EXOC6B: variants seen among roughly 807,000 people sequenced by gnomAD.
The protein encoded by EXOC6B is SEC15 homolog B.
In EXOC6B, 54 loss-of-function variants were observed where a neutral mutation model predicts 113.5. The observed-to-expected ratio is 0.48, with a 90% CI of 0.38 to 0.60. The LOEUF (loss-of-function observed/expected upper bound fraction) is 0.60. Ranked by LOEUF, EXOC6B falls within the 20% of genes least tolerant of loss-of-function variation. The pLI, the probability that EXOC6B is intolerant of heterozygous loss-of-function variation, is 0.00. For missense variants in EXOC6B, 797 were observed against 977.5 expected, an observed-to-expected ratio of 0.82 and a Z score of 2.46; for synonymous variants, 357 against 339.0, an observed-to-expected ratio of 1.05 and a Z score of -0.58.
intron 17 of EXOC6B, among the ~76,000 whole-genome samples, chr2:72,478,769 A>G (rs983902480): frequency 6.6e-6 from 1 of 152,256 alleles, no homozygotes; most frequent in Non-Finnish European, 1.5e-5. Context: ...GGTTGAGAGA[A>G]AGAGTATCAG....
chr2:72,435,766 T>C (rs1037750349), intron 18 of EXOC6B, among the ~76,000 whole-genome samples: 1 of 151,804 alleles, frequency 6.6e-6, no homozygotes, highest in Admixed American at 6.6e-5. Flanking sequence ...TATTCCTCCA[T>C]CCATTTATTT....
Position 72,784,128 on chromosome 2 carries a change from G to A in EXOC6B, c.113+41670C>T, listed in dbSNP as rs1684236609. 2.0e-5 allele frequency among the ~76,000 whole-genome samples: 3 copies of A among 152,132 alleles called. No homozygotes were observed. The South Asian group carries it at 6.2e-4, about 31-fold the overall frequency. On this transcript the variant is annotated intron_variant, in intron 1 of 21. Transcript: ENST00000272427. ...CCTTTCCCCAATGTATGCTTTGGGT[G>A]CCTTTGTCAAAAATCAGTTAGCTGT...
In EXOC6B at chr2:72,486,870, AC is replaced by A. The variant is rs199654212; in HGVS notation, c.1665+5447del. Among the ~76,000 whole-genome samples, 784 of 151,380 alleles carry A rather than the reference AC, an allele frequency of 5.2e-3. 4 individuals carry two copies. The highest frequency in any genetic ancestry group is 0.014 in the African/African-American group (560 of 41,220). ...GTTATCTGTCCCATTAAAAAATAAA[AC>A]AAAAAAAAAAACCTGTCTTAACCGA... On this transcript the variant is annotated intron_variant, in intron 16 of 21. Transcript: ENST00000272427.
chr2:72,789,342 C>CCT (rs1302975749), intron 1 of EXOC6B, among the ~76,000 whole-genome samples: 1 of 152,152 alleles, frequency 6.6e-6, no homozygotes, highest in Non-Finnish European at 1.5e-5. Flanking sequence ...TTTGACTCTT[C>CCT]CTCTACCTAC....
chr2:72,484,115 G>A lies in EXOC6B; in HGVS notation c.1666-3365C>T, dbSNP rs146584101. 4.0e-3 allele frequency among the ~76,000 whole-genome samples: 609 copies of A among 150,664 alleles called. 12 individuals are homozygous for A. The highest frequency in any genetic ancestry group is 0.014 in the African/African-American group (596 of 41,138). On this transcript the variant is annotated intron_variant, in intron 16 of 21. Transcript: ENST00000272427. The stretch of plus-strand genomic sequence containing the variant: ...TATCGGAGAAAATCTAACAAGAAAG[G>A]TACATAGCACACCTTGGAGGTAATT...
At chr2:72,785,043 A>C (rs1684289582) in intron 1 of EXOC6B, among the ~76,000 whole-genome samples, 1 of 152,198 alleles carries the variant, frequency 6.6e-6, no homozygotes, top group African/African-American at 2.4e-5. Flanking sequence ...AAATTGGCCA[A>C]AACAAAGGGG....
intron 1 of EXOC6B, among the ~76,000 whole-genome samples, chr2:72,776,161 C>T (rs1683690489): frequency 6.6e-6 from 1 of 151,962 alleles, no homozygotes; most frequent in Non-Finnish European, 1.5e-5. Flanking sequence ...TGTGAAACTG[C>T]AATTATCTCA....
chr2:72,726,269 C>T (rs1680296110), intron 5 of EXOC6B, among the ~76,000 whole-genome samples: 1 of 152,058 alleles, frequency 6.6e-6, no homozygotes, highest in South Asian at 2.1e-4. Flanking sequence ...TGAAAATGTC[C>T]TAGAATCAGC....
chr2:72,368,153 A>C (rs77683017), intron 19 of EXOC6B, among the ~76,000 whole-genome samples: 3,467 of 152,216 alleles, frequency 0.023, 59 homozygotes, highest in Non-Finnish European at 0.035. Context: ...CCTTCTGCTT[A>C]AGAAGAACAG....
chr2:72,792,742 A>G (rs1481890148), intron 1 of EXOC6B, among the ~76,000 whole-genome samples: 1 of 152,152 alleles, frequency 6.6e-6, no homozygotes, highest in African/African-American at 2.4e-5. Context: ...CTTGGTTACC[A>G]CAATCATTTT....
intron 18 of EXOC6B, among the ~76,000 whole-genome samples, chr2:72,384,115 A>G (rs1691853190): frequency 6.6e-6 from 1 of 152,090 alleles, no homozygotes; most frequent in African/African-American, 2.4e-5. Flanking sequence ...GTATACCTAT[A>G]TAACAAACCT....
intron 10 of EXOC6B, 28 bp from the exon 11 acceptor site, chr2:72,513,280 G>C (rs1395732094): frequency 6.2e-7 from 1 of 1,610,728 alleles, no homozygotes; most frequent in Non-Finnish European, 8.5e-7. Flanking sequence ...AGAAAGCACA[G>C]CTGTCAGAAA....
At chr2:72,519,921 A>T (rs1701401105) in intron 8 of EXOC6B, among the ~76,000 whole-genome samples, 1 of 152,156 alleles carries the variant, frequency 6.6e-6, no homozygotes, top group South Asian at 2.1e-4. Context: ...CCTAGCACAA[A>T]ACTCCAAAGG....
At chr2:72,746,159 AG>A (rs1285410124) in intron 1 of EXOC6B, among the ~76,000 whole-genome samples, 1 of 152,108 alleles carries the variant, frequency 6.6e-6, no homozygotes, top group African/African-American at 2.4e-5. Flanking sequence ...TTGAGAACAA[AG>A]GCATAGGTTT....
chr2:72,226,005 G>A lies in EXOC6B; in HGVS notation c.2197-41818C>T, dbSNP rs147701373. ...CAACAACCGCGTATGTGACTCTCTC[G>A]CCACACCCTAAGAAACAGTGTGTTG... On this transcript the variant is annotated intron_variant, in intron 20 of 21. Coordinates refer to ENST00000272427, the MANE Select transcript of EXOC6B (RefSeq NM_015189.3). Among the ~76,000 whole-genome samples the A allele has an allele frequency of 2.3e-3, 356 of 152,152 alleles. 1 individual carries two copies. The highest frequency in any genetic ancestry group is 3.0e-3 in the Non-Finnish European group (203 of 68,010).
chr2:72,239,141 T>G (rs1365267375), intron 20 of EXOC6B, among the ~76,000 whole-genome samples: 2 of 152,196 alleles, frequency 1.3e-5, no homozygotes, highest in African/African-American at 4.8e-5. Flanking sequence ...CCTTCCCACC[T>G]TGGCCTCTCA....
rs548812812 is a variant in EXOC6B, at chr2:72,539,755, C to T, written c.915+19698G>A. Reference sequence around the variant, plus strand: ...ATGCGTGTGTGTGTGTGTGTGCGCGCGCGCGCGCGTGTGTGTAGTCTGCAT... The same window carrying T: ...ATGCGTGTGTGTGTGTGTGTGCGCGTGCGCGCGCGTGTGTGTAGTCTGCAT... On this transcript the variant is annotated intron_variant, in intron 8 of 21. Transcript: ENST00000272427. Among the ~76,000 whole-genome samples the T allele has an allele frequency of 8.6e-5, 13 of 151,356 alleles. No individual in the cohort carries two copies. The East Asian group carries it at 9.7e-4, about 11-fold the overall frequency.
intron 6 of EXOC6B, among the ~76,000 whole-genome samples, chr2:72,675,268 T>C (rs1676208466): frequency 6.6e-6 from 1 of 152,226 alleles, no homozygotes; most frequent in Non-Finnish European, 1.5e-5. Context: ...AATGAAAAGC[T>C]GAACGAGATC....
chr2:72,755,255 C>T (rs889712350), intron 1 of EXOC6B, among the ~76,000 whole-genome samples: 1 of 152,096 alleles, frequency 6.6e-6, no homozygotes, highest in African/African-American at 2.4e-5. Flanking sequence ...GAATGGGCAC[C>T]ACTACTAATG....
Sources: allele counts gnomAD v4.1 joint callset (sites outside exome capture counted in the v4.1 genomes callset), GRCh38; gene constraint gnomAD v4.1.1; transcripts MANE v1.5; gene names NCBI Gene and HGNC (gene_info 2026-07-23, HGNC 2026-07-21).